Variants in CCSER1 observed in about 807,000 individuals in gnomAD.
CCSER1 encodes the protein serine-rich coiled-coil domain-containing protein 1.
CCSER1 carries 41 observed loss-of-function variants against 82.0 expected under a neutral mutation model. The observed-to-expected ratio is 0.50, with a 90% CI of 0.39 to 0.65. The LOEUF is 0.65. CCSER1 is among the 30% of genes least tolerant of loss of function. The probability of loss-of-function intolerance (pLI) is 0.00; values close to 1 mark genes in which losing one functional copy is unlikely to be tolerated. For synonymous variants in CCSER1, 414 were observed against 383.9 expected, an observed-to-expected ratio of 1.08 and a Z score of -0.92; for missense variants, 1,119 against 1,064.2, an observed-to-expected ratio of 1.05 and a Z score of -0.72.
chr4:91,167,596 T>C (rs1375461228), intron 10 of CCSER1, among the ~76,000 whole-genome samples: 1 of 152,268 alleles, frequency 6.6e-6, no homozygotes, highest in African/African-American at 2.4e-5. Flanking sequence ...GAATTGTGAT[T>C]ACACATGCAT....
intron 4 of CCSER1, among the ~76,000 whole-genome samples, chr4:90,460,457 C>T (rs1181747400): frequency 1.3e-5 from 2 of 151,246 alleles, no homozygotes; most frequent in African/African-American, 4.9e-5. Flanking sequence ...ACTATTGGCA[C>T]ACAGCGACAA....
At chr4:91,022,319 A>G (rs1740062636) in intron 9 of CCSER1, among the ~76,000 whole-genome samples, 2 of 152,040 alleles carry the variant, frequency 1.3e-5, no homozygotes, top group African/African-American at 4.8e-5. Flanking sequence ...ATGTCCCTAC[A>G]AAAGACATGA....
chr4:90,893,298 A>G (rs1037690734), intron 8 of CCSER1, among the ~76,000 whole-genome samples: 2 of 152,034 alleles, frequency 1.3e-5, no homozygotes, highest in Non-Finnish European at 2.9e-5. Flanking sequence ...TTGGGAAGAG[A>G]ATGTAAGGAA....
intron 1 of CCSER1, among the ~76,000 whole-genome samples, chr4:90,136,416 T>C (rs1723711379): frequency 6.6e-6 from 1 of 152,212 alleles, no homozygotes; most frequent in Admixed American, 6.5e-5. Context: ...TCAGCCTTTA[T>C]GGGGATATCA....
rs368838790 is a variant in CCSER1 at position 91,452,793 on chromosome 4, A to C, written c.2218-145779A>C. Reference sequence around the variant, plus strand: ...AAGCACTGTTGAGCTCTTTGGTTGCAGTTGAAGCTGAAGAGCATTCCTAAT... The same window carrying C: ...AAGCACTGTTGAGCTCTTTGGTTGCCGTTGAAGCTGAAGAGCATTCCTAAT... On this transcript the variant is annotated intron_variant, in intron 10 of 10. Coordinates refer to ENST00000509176, the MANE Select transcript of CCSER1 (RefSeq NM_001145065.2). Among the ~76,000 whole-genome samples the C allele has an allele frequency of 3.4e-4, 51 of 152,150 alleles. No homozygotes were observed. The East Asian group carries it at 9.5e-3, about 28-fold the overall frequency.
At chr4:90,451,549 G>A (rs1257457355) in intron 4 of CCSER1, among the ~76,000 whole-genome samples, 1 of 152,206 alleles carries the variant, frequency 6.6e-6, no homozygotes, top group Non-Finnish European at 1.5e-5. Flanking sequence ...GAAAGGCTTG[G>A]TGGAGGATTT....
At chr4:90,815,421 G>A (rs913392799) in intron 7 of CCSER1, among the ~76,000 whole-genome samples, 4 of 151,878 alleles carry the variant, frequency 2.6e-5, no homozygotes, top group Non-Finnish European at 5.9e-5. Flanking sequence ...AACATGAGAG[G>A]GAATAATTTA....
Position 90,957,515 on chromosome 4 carries a change from A to ATAT in CCSER1, c.2172+34068_2172+34069insTAT, listed in dbSNP as rs1278404983. 8.3e-3 allele frequency among the ~76,000 whole-genome samples: 950 copies of ATAT among 114,466 alleles called. 24 individuals carry two copies. Among genetic ancestry groups the ATAT allele is most frequent in the African/African-American group, 0.026 (872 of 34,078 alleles). The allele number at this position is 114,466 out of a possible 152,430, so 75.1% of individuals were successfully genotyped here. A position where few individuals can be genotyped will look rare whatever the true frequency, so the allele number is the denominator to read the frequency against. ...TTATTATATAATATTATATAATATA[A>ATAT]CATAATATCATATATTATATATATT... is the stretch of plus-strand genomic sequence containing the variant. On this transcript the variant is annotated intron_variant, in intron 9 of 10. Coordinates refer to ENST00000509176, the MANE Select transcript of CCSER1 (RefSeq NM_001145065.2).
intron 10 of CCSER1, among the ~76,000 whole-genome samples, chr4:91,334,831 G>A (rs866055172): frequency 9.9e-5 from 15 of 151,848 alleles, no homozygotes; most frequent in African/African-American, 3.4e-4. Flanking sequence ...AGCCATATCT[G>A]CTATGTGCTT....
At chr4:91,037,360 G>T (rs1366904129) in intron 9 of CCSER1, among the ~76,000 whole-genome samples, 1 of 152,034 alleles carries the variant, frequency 6.6e-6, no homozygotes, top group Non-Finnish European at 1.5e-5. Flanking sequence ...GCAGATACAA[G>T]GTTGTCTCTG....
intron 9 of CCSER1, among the ~76,000 whole-genome samples, chr4:90,973,996 A>T (rs1164416074): frequency 6.6e-6 from 1 of 151,422 alleles, no homozygotes; most frequent in Non-Finnish European, 1.5e-5. Context: ...ACTCATATGG[A>T]AAATCTAAAA....
chr4:91,059,981 A>G (rs1316474630), intron 9 of CCSER1, among the ~76,000 whole-genome samples: 3 of 151,998 alleles, frequency 2.0e-5, no homozygotes, highest in African/African-American at 4.8e-5. Flanking sequence ...TCTAGGATCA[A>G]TTCTCTTGTC....
At chr4:90,480,969 A>T (rs1765855767) in intron 5 of CCSER1, among the ~76,000 whole-genome samples, 1 of 152,192 alleles carries the variant, frequency 6.6e-6, no homozygotes, top group Admixed American at 6.5e-5. Flanking sequence ...TAGTTTGGGC[A>T]GTATGGCCAT....
At chr4:90,876,436 C>T (rs1434918254) in intron 8 of CCSER1, among the ~76,000 whole-genome samples, 1 of 152,016 alleles carries the variant, frequency 6.6e-6, no homozygotes, top group Non-Finnish European at 1.5e-5. Flanking sequence ...GAGATGGAAG[C>T]AATCATGTGT....
intron 10 of CCSER1, among the ~76,000 whole-genome samples, chr4:91,239,338 G>A (rs901715092): frequency 2.0e-4 from 6 of 30,552 alleles, no homozygotes; most frequent in African/African-American, 8.2e-4. Context: ...CTGACAGACC[G>A]TTGACGACTA....
intron 7 of CCSER1, among the ~76,000 whole-genome samples, chr4:90,735,867 T>A (rs193259829): frequency 8.5e-4 from 129 of 152,240 alleles, no homozygotes; most frequent in African/African-American, 2.3e-3. Context: ...CTCTTAGAAA[T>A]GCTTTCACTA....
chr4:90,634,896 G>T (rs2148951143), intron 6 of CCSER1, among the ~76,000 whole-genome samples: 1 of 151,866 alleles, frequency 6.6e-6, no homozygotes, highest in South Asian at 2.1e-4. Context: ...CAAGTTTCAT[G>T]AAAACATCAA....
intron 1 of CCSER1, among the ~76,000 whole-genome samples, chr4:90,183,964 C>G (rs1156709504): frequency 6.6e-6 from 1 of 151,850 alleles, no homozygotes; most frequent in African/African-American, 2.4e-5. Context: ...TGCTTGTGCC[C>G]CCCTCTACAA....
At chr4:90,655,256 T>C (rs1828882) in intron 6 of CCSER1, among the ~76,000 whole-genome samples, 77,827 of 151,604 alleles carry the variant, frequency 0.51, 20,202 homozygotes, top group Middle Eastern at 0.66. Flanking sequence ...TATAATAGGA[T>C]CCCTCATATC....
Sources: gnomAD v4.1 joint callset for allele counts (sites outside exome capture counted in the v4.1 genomes callset) on GRCh38, gnomAD v4.1.1 for gene constraint, MANE v1.5 for transcripts, NCBI Gene and HGNC (gene_info 2026-07-23, HGNC 2026-07-21) for gene names.